ADARB2: variants seen among roughly 807,000 people sequenced by gnomAD.
The protein encoded by ADARB2 is adenosine deaminase RNA specific B2 (inactive), also known as inactive double-stranded RNA-specific editase B2.
ADARB2 carries 25 observed loss-of-function variants against 62.2 expected under a neutral mutation model. The observed-to-expected ratio is 0.40, with a 90% CI of 0.29 to 0.56. The LOEUF (loss-of-function observed/expected upper bound fraction) is 0.56, where lower values mean the gene tolerates loss of function less well. Ranked by LOEUF, ADARB2 falls within the 20% of genes least tolerant of loss-of-function variation. The pLI is 0.43. For synonymous variants in ADARB2, 572 were observed against 500.8 expected, an observed-to-expected ratio of 1.14 and a Z score of -1.90; for missense variants, 1,071 against 1,077.4, an observed-to-expected ratio of 0.99 and a Z score of 0.08.
chr10:1,389,473 T>C (rs1392339063), intron 1 of ADARB2, among the ~76,000 whole-genome samples: 1 of 152,154 alleles, frequency 6.6e-6, no homozygotes, highest in Admixed American at 6.5e-5. Context: ...GTGGGCAACA[T>C]ACTTGAACAG....
chr10:1,286,333 T>A (rs907407261), intron 3 of ADARB2, among the ~76,000 whole-genome samples: 1 of 152,174 alleles, frequency 6.6e-6, no homozygotes, highest in Non-Finnish European at 1.5e-5. Context: ...CATCTTCATA[T>A]CCCTTTGTGT....
At chr10:1,373,857 C>T (rs368997911) in intron 2 of ADARB2, among the ~76,000 whole-genome samples, 996 of 148,062 alleles carry the variant, frequency 6.7e-3, no homozygotes, top group East Asian at 0.022. Flanking sequence ...GCGTGGGCTC[C>T]GCGCACCCTT....
chr10:1,429,031 C>T (rs1375452272), intron 1 of ADARB2, among the ~76,000 whole-genome samples: 3 of 150,138 alleles, frequency 2.0e-5, no homozygotes, highest in African/African-American at 7.4e-5. Flanking sequence ...TGGGTGGGGG[C>T]ACCAGTGTCT....
intron 1 of ADARB2, among the ~76,000 whole-genome samples, chr10:1,483,185 G>C (rs1017345634): frequency 6.6e-6 from 1 of 152,036 alleles, no homozygotes; most frequent in Non-Finnish European, 1.5e-5. Context: ...TAAAAGTCCC[G>C]TAAGATTTAA....
intron 1 of ADARB2, among the ~76,000 whole-genome samples, chr10:1,583,536 G>A (rs889110037): frequency 6.6e-6 from 1 of 152,130 alleles, no homozygotes; most frequent in Non-Finnish European, 1.5e-5. Flanking sequence ...TGAATCTAAC[G>A]AATCATGTAC....
intron 3 of ADARB2, among the ~76,000 whole-genome samples, chr10:1,353,784 G>A (rs1040758411): frequency 6.6e-5 from 10 of 152,010 alleles, no homozygotes; most frequent in East Asian, 1.9e-4. Flanking sequence ...TTCCAGTTCC[G>A]TATAACAGAC....
chr10:1,517,891 C>A (rs1832025526), intron 1 of ADARB2, among the ~76,000 whole-genome samples: 1 of 152,188 alleles, frequency 6.6e-6, no homozygotes, highest in Non-Finnish European at 1.5e-5. Flanking sequence ...CCCAAGCCAG[C>A]CTTTCCCCGC....
In ADARB2 at chr10:1,271,088, G is replaced by A; in HGVS notation, c.1078-19C>T. ...CGAATTCCTGAAAGACACAAGCACAGGCCTCCACGTTGGGCTGAGCAGGTG... is the reference window on the plus strand; with the variant it reads ...CGAATTCCTGAAAGACACAAGCACAAGCCTCCACGTTGGGCTGAGCAGGTG... On this transcript the variant is annotated intron_variant, in intron 3 of 9. Transcript: ENST00000381312. The A allele has an allele frequency of 1.2e-6, 2 of 1,606,712 alleles. No individual in the cohort carries two copies. The highest frequency in any genetic ancestry group is 2.2e-5 in the South Asian group (2 of 90,414).
At chr10:1,291,960 TG>T (rs1237014790) in intron 3 of ADARB2, 14 of 152,446 alleles carry the variant, frequency 9.2e-5, no homozygotes, top group African/African-American at 3.4e-4. Flanking sequence ...ATATCGTGGC[TG>T]TGTCCGTGGA....
At chr10:1,694,650 C>T (rs11250737) in intron 1 of ADARB2, among the ~76,000 whole-genome samples, 5,768 of 152,218 alleles carry the variant, frequency 0.038, 203 homozygotes, top group East Asian at 0.16. Context: ...ACACTCAAAT[C>T]GATCAATCCT....
intron 3 of ADARB2, among the ~76,000 whole-genome samples, chr10:1,297,265 G>C (rs2131815083): frequency 6.6e-6 from 1 of 152,282 alleles, no homozygotes; most frequent in South Asian, 2.1e-4. Flanking sequence ...TGGGTATGGA[G>C]GGAGGCGTAG....
chr10:1,476,155 G>C (rs1831397388), intron 1 of ADARB2, among the ~76,000 whole-genome samples: 1 of 152,070 alleles, frequency 6.6e-6, no homozygotes, highest in Non-Finnish European at 1.5e-5. Context: ...AAAAAAGGAA[G>C]AGAGAGAGAC....
At chr10:1,335,787 C>A (rs1831968288) in intron 3 of ADARB2, among the ~76,000 whole-genome samples, 1 of 152,138 alleles carries the variant, frequency 6.6e-6, no homozygotes, top group African/African-American at 2.4e-5. Flanking sequence ...ATGTGCACAT[C>A]CCGATTACCT....
chr10:1,476,664 A>T (rs1831404705), intron 1 of ADARB2, among the ~76,000 whole-genome samples: 1 of 152,122 alleles, frequency 6.6e-6, no homozygotes, highest in African/African-American at 2.4e-5. Flanking sequence ...CGCCGTTTCC[A>T]TGGCAACCAG....
intron 1 of ADARB2, among the ~76,000 whole-genome samples, chr10:1,473,390 GT>G (rs113183121): frequency 2.0e-5 from 3 of 150,678 alleles, no homozygotes; most frequent in East Asian, 2.0e-4. Context: ...GTTTTGTTTT[GT>G]TTTTTTTTCC....
At chr10:1,636,707 T>C (rs1833920621) in intron 1 of ADARB2, among the ~76,000 whole-genome samples, 2 of 150,550 alleles carry the variant, frequency 1.3e-5, no homozygotes, top group African/African-American at 4.9e-5. Flanking sequence ...TCTACATATA[T>C]CAATATATAG....
At chr10:1,415,989 A>G (rs147714026) in intron 1 of ADARB2, among the ~76,000 whole-genome samples, 3 of 152,358 alleles carry the variant, frequency 2.0e-5, no homozygotes, top group Non-Finnish European at 4.4e-5. Context: ...GAATATCTCT[A>G]GACCACTCCA....
At chr10:1,535,285 C>T (rs1403434316) in intron 1 of ADARB2, among the ~76,000 whole-genome samples, 1 of 152,158 alleles carries the variant, frequency 6.6e-6, no homozygotes, top group African/African-American at 2.4e-5. Flanking sequence ...GAATCCATCC[C>T]AGCTGCTAAC....
chr10:1,724,514 G>T (rs1160517939), intron 1 of ADARB2, among the ~76,000 whole-genome samples: 2 of 152,290 alleles, frequency 1.3e-5, no homozygotes, highest in East Asian at 3.9e-4. Flanking sequence ...CAGCCTCGGA[G>T]GCTCCTTGTG....
Sources: allele counts gnomAD v4.1 joint callset (sites outside exome capture counted in the v4.1 genomes callset), GRCh38; gene constraint gnomAD v4.1.1; transcripts MANE v1.5; gene names NCBI Gene and HGNC (gene_info 2026-07-23, HGNC 2026-07-21).